Variants in ANGEL1 observed in about 807,000 individuals in gnomAD.
ANGEL1 encodes the protein angel homolog 1, also known as RNA 2',3'-cyclic phosphatase ANGEL1.
ANGEL1 carries 62 observed loss-of-function variants against 76.4 expected under a neutral mutation model. That is an observed-to-expected ratio of 0.81 (90% CI 0.66 to 1.00). ANGEL1 has a LOEUF of 1.00. ANGEL1 is among the 50% of genes least tolerant of loss of function. The probability of loss-of-function intolerance (pLI) is 0.00; values close to 1 mark genes in which losing one functional copy is unlikely to be tolerated. For synonymous variants in ANGEL1, 340 were observed against 331.7 expected, an observed-to-expected ratio of 1.03 and a Z score of -0.27; for missense variants, 737 against 836.7, an observed-to-expected ratio of 0.88 and a Z score of 1.47.
chr14:76,804,154 G>A (rs77250453), intron 5 of ANGEL1: 2 of 1,431,406 alleles, frequency 1.4e-6, no homozygotes, highest in Non-Finnish European at 1.8e-6. Context: ...ACTGAATCAA[G>A]GGGAATCGAA....
chr14:76,809,195 T>C lies in ANGEL1; in HGVS notation c.513A>G (p.Thr171=). 1.2e-6 allele frequency: 2 copies of C among 1,613,780 alleles called. No individual in the cohort carries two copies. Among genetic ancestry groups the C allele is most frequent in the South Asian group, 2.2e-5 (2 of 91,018 alleles). ...CAALPVGALA[T]EQWEEDPAVL... is the part of the protein sequence containing the mutation. ...CCGCTGGGTCCTCTTCCCACTGCTC[T>C]GTGGCCAGGGCACCCACTGGGAGGG... The change falls in exon 2 of 10, where the codon ACA becomes ACG. Residue 171 remains threonine (T), a synonymous_variant. Transcript: ENST00000251089.
In ANGEL1 at chr14:76,800,954, C is replaced by G. The variant is rs962971606; in HGVS notation, c.1618+2417G>C. ...CACCACTACACTCCAGTCTGGATGA[C>G]AAAGCAAGACTTTGTCTCAAAAAAA... On this transcript the variant is annotated intron_variant, in intron 7 of 9. Transcript: ENST00000251089. 3.4e-5 allele frequency among the ~76,000 whole-genome samples: 5 copies of G among 148,790 alleles called. No homozygotes were observed. The Admixed American group carries it at 3.4e-4, about 10-fold the overall frequency.
intron 7 of ANGEL1, among the ~76,000 whole-genome samples, chr14:76,792,143 T>C (rs866657000): frequency 6.6e-6 from 1 of 152,124 alleles, no homozygotes; most frequent in Non-Finnish European, 1.5e-5. Context: ...TACCAACAAA[T>C]TGGATAACTT....
chr14:76,791,122 C>A (rs1246393356), intron 8 of ANGEL1, among the ~76,000 whole-genome samples, 175 bp downstream of exon 8: 2 of 152,148 alleles, frequency 1.3e-5, no homozygotes, highest in East Asian at 3.9e-4. Context: ...ATGGGTGGGT[C>A]ACCTCTGGCT....
intron 9 of ANGEL1, 113 bp from the exon 10 acceptor site, chr14:76,789,501 C>G (rs1051651858): frequency 1.7e-6 from 2 of 1,187,748 alleles, no homozygotes; most frequent in African/African-American, 3.0e-5. Context: ...CCCTTGGCTG[C>G]CCACTGCCCC....
intron 8 of ANGEL1, among the ~76,000 whole-genome samples, chr14:76,791,052 C>T (rs1157964846): frequency 6.6e-6 from 1 of 152,154 alleles, no homozygotes; most frequent in Non-Finnish European, 1.5e-5. Context: ...GGGCCCAGGC[C>T]TCTTCTGTGA....
At chr14:76,806,308 G>A in intron 5 of ANGEL1, 108 bp downstream of exon 5, 1 of 1,175,958 alleles carries the variant, frequency 8.5e-7, no homozygotes, top group Non-Finnish European at 1.2e-6. Context: ...GGAGGAGCAG[G>A]CCAGAGCAGG....
At chr14:76,792,386 T>C (rs1486501119) in intron 7 of ANGEL1, among the ~76,000 whole-genome samples, 1 of 152,164 alleles carries the variant, frequency 6.6e-6, no homozygotes, top group Non-Finnish European at 1.5e-5. Context: ...GAGACACTTC[T>C]CAACTCATTC....
intron 7 of ANGEL1, among the ~76,000 whole-genome samples, chr14:76,793,333 A>C (rs529176549): frequency 6.0e-5 from 7 of 116,596 alleles, no homozygotes; most frequent in Non-Finnish European, 1.2e-4. Context: ...GAAGGAAAGG[A>C]AAGGGGAGAC....
At chr14:76,796,708 A>C (rs113418700) in intron 7 of ANGEL1, among the ~76,000 whole-genome samples, 6 of 152,336 alleles carry the variant, frequency 3.9e-5, no homozygotes, top group Non-Finnish European at 8.8e-5. Flanking sequence ...ATCATCCGAC[A>C]TGTTACTTAG....
At chr14:76,807,717 G>C (rs935028836) in intron 3 of ANGEL1, among the ~76,000 whole-genome samples, 42 of 152,186 alleles carry the variant, frequency 2.8e-4, no homozygotes, top group African/African-American at 9.2e-4. Flanking sequence ...CTCCCTTCCT[G>C]CATAAAGGTG....
chr14:76,810,793 AAAAACTCT>A (rs1895061391), intron 1 of ANGEL1, among the ~76,000 whole-genome samples: 1 of 152,232 alleles, frequency 6.6e-6, no homozygotes, highest in African/African-American at 2.4e-5. Flanking sequence ...AGAAAGTGGG[AAAAACTCT>A]AAAATTAGAG....
At chr14:76,812,726 T>A in intron 1 of ANGEL1, 38 bp downstream of exon 1, 1 of 1,491,248 alleles carries the variant, frequency 6.7e-7, no homozygotes, top group Non-Finnish European at 8.9e-7. Flanking sequence ...AGGCGAGCCC[T>A]GGCCGGGCTC....
At chr14:76,807,639 G>T in intron 3 of ANGEL1, 137 bp from the exon 4 acceptor site, 1 of 819,492 alleles carries the variant, frequency 1.2e-6, no homozygotes, top group Non-Finnish European at 2.0e-6. Context: ...AGCAAGAACA[G>T]GCCCAGACTT....
intron 1 of ANGEL1, chr14:76,812,405 T>G: frequency 2.7e-6 from 3 of 1,094,830 alleles, no homozygotes; most frequent in Non-Finnish European, 3.3e-6. Flanking sequence ...TCCGAGCTAC[T>G]ACCCCTTCCC....
intron 2 of ANGEL1, among the ~76,000 whole-genome samples, chr14:76,808,591 T>C (rs1028076951): frequency 6.6e-6 from 1 of 152,188 alleles, no homozygotes; most frequent in Non-Finnish European, 1.5e-5. Flanking sequence ...ATCTCCCCTA[T>C]GGCATGTGGC....
chr14:76,804,170 T>C, intron 5 of ANGEL1: 3 of 1,422,722 alleles, frequency 2.1e-6, no homozygotes, highest in Middle Eastern at 2.6e-4. Context: ...TCGAATAGTA[T>C]GAACATGTGG....
chr14:76,789,237 G>A lies in ANGEL1; in HGVS notation c.2004C>T (p.Thr668=), dbSNP rs184485184. 8.8e-5 allele frequency: 142 copies of A among 1,614,172 alleles called. No homozygotes were observed. In the Admixed American group the frequency reaches 1.3e-3, roughly 15 times the overall value. The part of the protein sequence containing the change: ...CLLASFGMEV[T]AP ...TCCCCTGGGAGCCCTGTCATGGGGC[G>A]GTGACTTCCATCCCGAAGCTGGCTA... Residue 668 remains threonine (T), a synonymous_variant, in exon 10 of 10, where the codon ACC becomes ACT. Transcript: ENST00000251089.
chr14:76,793,680 C>T (rs966901265), intron 7 of ANGEL1, among the ~76,000 whole-genome samples: 1 of 150,510 alleles, frequency 6.6e-6, no homozygotes, highest in African/African-American at 2.4e-5. Context: ...AGGACTTACT[C>T]GTCCTTATTT....
Sources: gnomAD v4.1 joint callset for allele counts (sites outside exome capture counted in the v4.1 genomes callset) on GRCh38, gnomAD v4.1.1 for gene constraint, MANE v1.5 for transcripts, NCBI Gene and HGNC (gene_info 2026-07-23, HGNC 2026-07-21) for gene names.